CUX1: variants seen among roughly 807,000 people sequenced by gnomAD.
CUX1 encodes cut like homeobox 1.
A neutral mutation model predicts 158.8 loss-of-function variants in CUX1; 31 were observed. The observed-to-expected ratio is 0.20, with a 90% CI of 0.15 to 0.26. The LOEUF (loss-of-function observed/expected upper bound fraction) is 0.26. Ranked by LOEUF, CUX1 falls within the 10% of genes least tolerant of loss-of-function variation. CUX1 has a pLI of 1.00. For missense variants in CUX1, 1,589 were observed against 2,014.6 expected (o/e 0.79, Z 4.04); for synonymous variants, 879 against 862.1 (o/e 1.02, Z -0.34).
chr7:102,019,744 ACT>A (rs1819124599), intron 2 of CUX1, among the ~76,000 whole-genome samples: 1 of 152,114 alleles, frequency 6.6e-6, no homozygotes, highest in Non-Finnish European at 1.5e-5. Context: ...AGCATTGGAG[ACT>A]CTGCCAGGAC....
At chr7:101,925,926 A>C (rs1805532243) in intron 2 of CUX1, among the ~76,000 whole-genome samples, 4 of 150,518 alleles carry the variant, frequency 2.7e-5, no homozygotes, top group Admixed American at 2.6e-4. Flanking sequence ...ACAGAGTTAT[A>C]ACCCCCGTCT....
chr7:102,165,124 A>G (rs1790872616), intron 9 of CUX1, among the ~76,000 whole-genome samples: 1 of 152,034 alleles, frequency 6.6e-6, no homozygotes, highest in Non-Finnish European at 1.5e-5. Context: ...GTCTGGGGCC[A>G]TGTCGCACAT....
At chr7:102,063,994 G>T (rs185869608) in intron 3 of CUX1, among the ~76,000 whole-genome samples, 3 of 152,330 alleles carry the variant, frequency 2.0e-5, no homozygotes, top group Non-Finnish European at 4.4e-5. Context: ...GCAGATCAGG[G>T]TAGCATTCCT....
chr7:102,262,375 G>A (rs1790459112), downstream of CUX1, among the ~76,000 whole-genome samples: 1 of 87,320 alleles, frequency 1.1e-5, no homozygotes, highest in Admixed American at 1.3e-4. Flanking sequence ...TCCAGCCTGG[G>A]CGACAAAGCA....
Position 102,096,836 on chromosome 7 carries a change from GC to G in CUX1, c.269-526del, listed in dbSNP as rs368322628. ...GCTTCCCTGGGCTTTAGTTTCTGAG[GC>G]CTCTTTCTCGAGATTGTTGTAAGGC... On this transcript the variant is annotated intron_variant, in intron 4 of 23. Transcript: ENST00000292535. Among the ~76,000 whole-genome samples the G allele has an allele frequency of 6.3e-4, 96 of 152,294 alleles. 1 individual carries two copies. In the East Asian group the frequency reaches 0.015, roughly 23 times the overall value.
chr7:101,982,504 G>A (rs1331175345), intron 2 of CUX1, among the ~76,000 whole-genome samples: 1 of 151,624 alleles, frequency 6.6e-6, no homozygotes, highest in Non-Finnish European at 1.5e-5. Context: ...TTGGCTTACT[G>A]CAACCTCTGC....
chr7:102,076,186 T>C (rs10224866), intron 4 of CUX1, among the ~76,000 whole-genome samples: 18,981 of 152,002 alleles, frequency 0.12, 2,524 homozygotes, highest in African/African-American at 0.34. Context: ...ACTTTGCAAC[T>C]AGCCTGGCCA....
intron 1 of CUX1, among the ~76,000 whole-genome samples, chr7:101,833,090 G>A (rs1365737727): frequency 2.0e-5 from 3 of 152,090 alleles, no homozygotes; most frequent in Admixed American, 6.6e-5. Flanking sequence ...TCGACTGAAC[G>A]TGAAGCGTTC....
In CUX1 at chr7:102,054,143, G is replaced by A. The variant is rs529347287; in HGVS notation, c.190-16196G>A. On this transcript the variant is annotated intron_variant, in intron 3 of 23. Transcript: ENST00000292535. ...GTTTCTTGGTAGCGTCTTTAGAAGCGCAGAAGTTTTATATTTGATGAAATC... is the reference window on the plus strand; with the variant it reads ...GTTTCTTGGTAGCGTCTTTAGAAGCACAGAAGTTTTATATTTGATGAAATC... Among the ~76,000 whole-genome samples, 88 of 152,162 alleles carry A rather than the reference G, an allele frequency of 5.8e-4. 1 individual carries two copies. In the South Asian group the frequency reaches 0.015, roughly 27 times the overall value.
At position 102,222,811 on chromosome 7, in the gene CUX1, CTTTTTTTTTTTT is replaced by C. The variant is rs71123016; in HGVS notation, c.3131-4541_3131-4530del. Among the ~76,000 whole-genome samples, 5 of 25,526 alleles carry C rather than the reference CTTTTTTTTTTTT, an allele frequency of 2.0e-4. No individual in the cohort carries two copies. The Admixed American group carries it at 2.4e-3, about 12-fold the overall frequency. The allele number at this position is 25,526 out of a possible 152,430, so 16.7% of individuals were successfully genotyped here. A position where few individuals can be genotyped will look rare whatever the true frequency, so the allele number is the denominator to read the frequency against. On this transcript the variant is annotated intron_variant, in intron 20 of 23. Transcript: ENST00000292535. ...GGCTGTGTGTCTCGGGGCACCGTAT[CTTTTTTTTTTTT>C]TTTTTTTTTTTTTTGAGACAGAGTC...
At chr7:102,145,240 T>A (rs1834907231) in intron 8 of CUX1, among the ~76,000 whole-genome samples, 1 of 151,864 alleles carries the variant, frequency 6.6e-6, no homozygotes, top group Non-Finnish European at 1.5e-5. Flanking sequence ...AGAAATGGGG[T>A]CATTTGTCCA....
chr7:102,106,798 C>T (rs953847412), intron 6 of CUX1, among the ~76,000 whole-genome samples: 3 of 152,212 alleles, frequency 2.0e-5, no homozygotes, highest in African/African-American at 7.2e-5. Context: ...CCTTCTTCAG[C>T]CCTACCACCA....
At chr7:101,883,727 C>T (rs1799951498) in intron 1 of CUX1, among the ~76,000 whole-genome samples, 1 of 151,994 alleles carries the variant, frequency 6.6e-6, no homozygotes, top group African/African-American at 2.4e-5. Context: ...TCCGGAGTAG[C>T]TGGGATTATA....
In CUX1 at chr7:102,253,248, G is replaced by A. The variant is rs1006716550; in HGVS notation, c.*4206G>A. ...GGTTAAATATTCCTTTCTGGCCACC[G>A]CCCAAGCCCAGGTGGCCAGCTCTCA... On this transcript the variant is annotated 3_prime_UTR_variant, in exon 24 of 24. Coordinates refer to ENST00000292535, the MANE Select transcript of CUX1 (RefSeq NM_181552.4). The A allele has an allele frequency of 2.4e-5, 24 of 985,554 alleles. No homozygotes were observed. The South Asian group carries it at 7.0e-4, about 29-fold the overall frequency. The allele number at this position is 985,554 out of a possible 1,614,324, so 61.1% of individuals were successfully genotyped here. A position where few individuals can be genotyped will look rare whatever the true frequency, so the allele number is the denominator to read the frequency against.
chr7:102,132,774 C>T (rs1190106411), intron 8 of CUX1, among the ~76,000 whole-genome samples: 5 of 144,642 alleles, frequency 3.5e-5, no homozygotes, highest in African/African-American at 1.0e-4. Context: ...CAGGTTCAAG[C>T]GATTCTCCTG....
chr7:102,157,398 C>G (rs1012401914), intron 8 of CUX1, among the ~76,000 whole-genome samples: 14 of 152,072 alleles, frequency 9.2e-5, no homozygotes, highest in African/African-American at 3.4e-4. Context: ...ATCCTCAGGA[C>G]CTGCTTGCAG....
chr7:101,843,323 A>G (rs1039317609), intron 1 of CUX1, among the ~76,000 whole-genome samples: 2 of 152,162 alleles, frequency 1.3e-5, no homozygotes, highest in Admixed American at 1.3e-4. Flanking sequence ...AGAATCTTTG[A>G]TAAGTGAATT....
At chr7:101,850,704 G>A (rs1053092657) in intron 1 of CUX1, among the ~76,000 whole-genome samples, 1 of 152,074 alleles carries the variant, frequency 6.6e-6, no homozygotes, top group African/African-American at 2.4e-5. Flanking sequence ...TAAGTAGCAG[G>A]CTTATACCAC....
In CUX1 at chr7:102,208,237, AGTGT is replaced by A. The variant is rs60400914; in HGVS notation, c.3130+3084_3130+3087del. 8.4e-3 allele frequency among the ~76,000 whole-genome samples: 1,275 copies of A among 151,036 alleles called. 11 individuals are homozygous for A. The highest frequency in any genetic ancestry group is 0.029 in the African/African-American group (1,214 of 41,192). ...AAAAAGCTATGTTCACAGTATATGG[AGTGT>A]GTGTGTGTGTGTGTGTCTGTGTGAT... On this transcript the variant is annotated intron_variant, in intron 20 of 23. Transcript: ENST00000292535.
Sources: gnomAD v4.1 joint callset for allele counts (sites outside exome capture counted in the v4.1 genomes callset) on GRCh38, gnomAD v4.1.1 for gene constraint, MANE v1.5 for transcripts, NCBI Gene and HGNC (gene_info 2026-07-23, HGNC 2026-07-21) for gene names.